Variants in ISM1 observed in about 807,000 individuals in gnomAD.
ISM1 encodes isthmin 1.
Under a neutral mutation model 46.3 loss-of-function variants are expected in ISM1, and 25 were observed. The ratio of observed to expected loss-of-function variants is 0.54; its 90% CI spans 0.39 to 0.75. ISM1 has a LOEUF of 0.75. Among genes scored for constraint, ISM1 ranks in the 30% least tolerant of loss-of-function variants. The pLI, the probability that ISM1 is intolerant of heterozygous loss-of-function variation, is 0.00. For synonymous variants in ISM1, 255 were observed against 256.7 expected, an observed-to-expected ratio of 0.99 and a Z score of 0.06; for missense variants, 536 against 625.4, an observed-to-expected ratio of 0.86 and a Z score of 1.52.
the ISM1 span, among the ~76,000 whole-genome samples, chr20:13,318,446 TTACC>T: frequency 2.0e-5 from 3 of 152,316 alleles, no homozygotes; most frequent in East Asian, 5.8e-4. Flanking sequence ...AAACGTACGC[TTACC>T]ATAGGATCCA....
chr20:13,235,610 A>G (rs6109769), intron 1 of ISM1, among the ~76,000 whole-genome samples: 40,686 of 152,014 alleles, frequency 0.27, 5,695 homozygotes, highest in African/African-American at 0.36. Flanking sequence ...ATGTCATCCT[A>G]TGGGTTGCTC....
rs546100502 is a variant in ISM1 at position 13,243,601 on chromosome 20, G to C, written c.138+21687G>C. Among the ~76,000 whole-genome samples the C allele has an allele frequency of 5.9e-5, 9 of 152,072 alleles. No individual in the cohort carries two copies. In the South Asian group the frequency reaches 1.9e-3, roughly 32 times the overall value. Reference sequence around the variant, plus strand: ...TATAAAAGCAGTAAAACGACCATCTGAATGCCATTGACTGCCATGCATCCC... The same window carrying C: ...TATAAAAGCAGTAAAACGACCATCTCAATGCCATTGACTGCCATGCATCCC... On this transcript the variant is annotated intron_variant, in intron 1 of 5. Coordinates refer to ENST00000262487, the MANE Select transcript of ISM1 (RefSeq NM_080826.2).
chr20:13,285,548 G>A (rs777301869), intron 3 of ISM1, among the ~76,000 whole-genome samples: 4 of 152,110 alleles, frequency 2.6e-5, no homozygotes, highest in African/African-American at 4.8e-5. Flanking sequence ...GGCACTTCAC[G>A]CTTGGGGGAA....
At chr20:13,233,974 T>A (rs1422917172) in intron 1 of ISM1, among the ~76,000 whole-genome samples, 2 of 152,172 alleles carry the variant, frequency 1.3e-5, no homozygotes, top group Non-Finnish European at 2.9e-5. Flanking sequence ...TTTAAAAATG[T>A]TTACTTATAT....
intron 1 of ISM1, among the ~76,000 whole-genome samples, chr20:13,268,738 A>T (rs1335288123): frequency 6.6e-6 from 1 of 152,036 alleles, no homozygotes; most frequent in Non-Finnish European, 1.5e-5. Context: ...CCCCATTCCT[A>T]TTTAAACAGA....
the ISM1 span, among the ~76,000 whole-genome samples, chr20:13,306,564 CAAAA>C: frequency 1.6e-3 from 101 of 63,906 alleles, no homozygotes; most frequent in African/African-American, 5.4e-3. Flanking sequence ...GGAGAAAGGA[CAAAA>C]AAAAAAAAAA....
At chr20:13,258,813 G>C (rs139397194) in intron 1 of ISM1, among the ~76,000 whole-genome samples, 7 of 152,172 alleles carry the variant, frequency 4.6e-5, no homozygotes, top group Non-Finnish European at 8.8e-5. Context: ...TCCCCATAAG[G>C]ACCCTCACAG....
chr20:13,298,228 C>T (rs2040425241), intron 5 of ISM1, among the ~76,000 whole-genome samples: 1 of 152,194 alleles, frequency 6.6e-6, no homozygotes, highest in Non-Finnish European at 1.5e-5. Context: ...GCCTCAGCCT[C>T]CTGAGTAGCT....
chr20:13,237,602 T>A (rs533775929), intron 1 of ISM1, among the ~76,000 whole-genome samples: 19 of 152,284 alleles, frequency 1.2e-4, no homozygotes, highest in Admixed American at 4.6e-4. Flanking sequence ...GTGCTGGTAA[T>A]GTTTTGCCTC....
chr20:13,295,351 A>C (rs2040396875), intron 5 of ISM1, among the ~76,000 whole-genome samples: 1 of 152,202 alleles, frequency 6.6e-6, no homozygotes, highest in Admixed American at 6.5e-5. Context: ...GTACCCGCTG[A>C]ACCAGCCTAA....
intron 1 of ISM1, among the ~76,000 whole-genome samples, chr20:13,242,989 C>T (rs1488624464): frequency 6.6e-6 from 1 of 152,194 alleles, no homozygotes; most frequent in African/African-American, 2.4e-5. Flanking sequence ...TTGTTATCCT[C>T]ATTTTACACA....
intron 1 of ISM1, among the ~76,000 whole-genome samples, chr20:13,247,748 C>A (rs1378540865): frequency 1.3e-5 from 2 of 152,114 alleles, no homozygotes; most frequent in Non-Finnish European, 2.9e-5. Flanking sequence ...CTGACCACGA[C>A]AGGAAGTGAC....
chr20:13,280,391 ACCC>A (rs33933983), intron 3 of ISM1, among the ~76,000 whole-genome samples: 2,320 of 132,092 alleles, frequency 0.018, 72 homozygotes, highest in African/African-American at 0.058. Context: ...CTTCAAAGTA[ACCC>A]CCCCCCCCCA....
intron 4 of ISM1, 108 bp downstream of exon 4, chr20:13,288,791 C>CTTTT: frequency 2.1e-6 from 2 of 965,708 alleles, no homozygotes; most frequent in Admixed American, 2.7e-5. Flanking sequence ...CTTTTCTTTT[C>CTTTT]TTTTTTTTTT....
At chr20:13,230,533 G>A (rs1429684966) in intron 1 of ISM1, among the ~76,000 whole-genome samples, 1 of 151,778 alleles carries the variant, frequency 6.6e-6, no homozygotes, top group Admixed American at 6.6e-5. Flanking sequence ...CTTGGCTTAG[G>A]GTTTACAAAT....
intron 4 of ISM1, among the ~76,000 whole-genome samples, chr20:13,291,646 T>C (rs1290151798): frequency 6.6e-6 from 1 of 152,158 alleles, no homozygotes; most frequent in East Asian, 1.9e-4. Context: ...TAAGTTTGAG[T>C]AGAGCTGGGT....
the ISM1 span, among the ~76,000 whole-genome samples, chr20:13,321,106 T>C: frequency 6.6e-6 from 1 of 151,712 alleles, no homozygotes; most frequent in East Asian, 1.9e-4. Flanking sequence ...GGCTGAGGCA[T>C]GAGAATCGTT....
chr20:13,310,166 T>C, the ISM1 span, among the ~76,000 whole-genome samples: 2 of 152,122 alleles, frequency 1.3e-5, no homozygotes, highest in African/African-American at 4.8e-5. Context: ...AAGCTGGAAG[T>C]ATAACACTAT....
Position 13,299,519 on chromosome 20 carries a change from T to G in ISM1, c.*60T>G. ...GTTCTGGAGCACACACGTGCTGCAC[T>G]GACGTGCCGACTGGCGCCGAGACCT... On this transcript the variant is annotated 3_prime_UTR_variant, in exon 6 of 6. Coordinates refer to ENST00000262487, the MANE Select transcript of ISM1 (RefSeq NM_080826.2). The surrounding 1 kb of genome is among the most constrained non-coding windows in gnomAD (Gnocchi z 5.8). The G allele has an allele frequency of 6.8e-7, 1 of 1,463,436 alleles. No homozygotes were observed. Among genetic ancestry groups the G allele is most frequent in the East Asian group, 2.3e-5 (1 of 43,782 alleles). 90.7% of individuals were successfully genotyped at this position (1,463,436 alleles called of 1,614,324 possible). A position where few individuals can be genotyped will look rare whatever the true frequency, so the allele number is the denominator to read the frequency against.
Sources: gnomAD v4.1 joint callset for allele counts (sites outside exome capture counted in the v4.1 genomes callset) on GRCh38, gnomAD v4.1.1 for gene constraint, Gnocchi (gnomAD v3.1) non-coding constraint, MANE v1.5 for transcripts, NCBI Gene and HGNC (gene_info 2026-07-23, HGNC 2026-07-21) for gene names.